DNAH14: variants seen among roughly 807,000 people sequenced by gnomAD.
The protein encoded by DNAH14 is dynein axonemal heavy chain 14, also known as axonemal beta dynein heavy chain 14.
In DNAH14, 478 loss-of-function variants were observed where a neutral mutation model predicts 520.9. The observed-to-expected ratio is 0.92, with a 90% CI of 0.85 to 0.99. The LOEUF is 0.99. Among genes scored for constraint, DNAH14 ranks in the 50% least tolerant of loss-of-function variants. The pLI is 0.00. For missense variants in DNAH14, 4,831 were observed against 5,234.5 expected, an observed-to-expected ratio of 0.92 and a Z score of 2.38; for synonymous variants, 1,581 against 1,757.2, an observed-to-expected ratio of 0.90 and a Z score of 2.51.
In DNAH14 at chr1:224,984,762, A is replaced by G. The variant is rs528108124; in HGVS notation, c.830+10609A>G. On this transcript the variant is annotated intron_variant, in intron 8 of 85. Coordinates refer to ENST00000682510, the MANE Select transcript of DNAH14 (RefSeq NM_001367479.1). Reference sequence around the variant, plus strand: ...TATCCAGAATCTACAATGAATTCCAACAAATCAGTAAGAGAAAAAACAATC... The same window carrying G: ...TATCCAGAATCTACAATGAATTCCAGCAAATCAGTAAGAGAAAAAACAATC... 2.0e-5 allele frequency among the ~76,000 whole-genome samples: 3 copies of G among 152,320 alleles called. No homozygotes were observed. In the South Asian group the frequency reaches 6.2e-4, roughly 32 times the overall value.
chr1:225,208,425 A>C (rs1391802992), intron 41 of DNAH14, among the ~76,000 whole-genome samples: 1 of 152,222 alleles, frequency 6.6e-6, no homozygotes, highest in Non-Finnish European at 1.5e-5. Flanking sequence ...ACAGTCAAGG[A>C]ACTCTCAGAA....
At chr1:225,108,787 C>T (rs1453502715) in intron 23 of DNAH14, among the ~76,000 whole-genome samples, 2 of 152,076 alleles carry the variant, frequency 1.3e-5, no homozygotes, top group Non-Finnish European at 2.9e-5. Context: ...GAAATCTTTG[C>T]CCAGTCTAAT....
At chr1:225,211,873 AATTTATTTATTTATTT>A (rs201563428) in intron 41 of DNAH14, among the ~76,000 whole-genome samples, 39 of 147,260 alleles carry the variant, frequency 2.6e-4, no homozygotes, top group Admixed American at 1.7e-3. Context: ...TTCAACCCAG[AATTTATTTATTTATTT>A]ATTTATTTAT....
intron 41 of DNAH14, among the ~76,000 whole-genome samples, chr1:225,216,282 C>T (rs560958579): frequency 6.6e-6 from 1 of 152,316 alleles, no homozygotes; most frequent in East Asian, 1.9e-4. Flanking sequence ...GTCTGATGGG[C>T]TTCCCTTTGT....
intron 17 of DNAH14, among the ~76,000 whole-genome samples, chr1:225,059,578 G>T (rs1334029744): frequency 6.6e-6 from 1 of 152,226 alleles, no homozygotes; most frequent in Non-Finnish European, 1.5e-5. Flanking sequence ...TATGATGTTA[G>T]CTGGTTATTT....
Position 225,289,953 on chromosome 1 carries a change from A to G in DNAH14, c.8340A>G (p.Leu2780=). The part of the protein sequence containing the change: ...TLACYLTDNK[L]YRVPISHKCA... ...CCTGTTATTTGACAGATAATAAACT[A>G]TACCGAGTGCCTATATCTCACAAAT... The change falls in exon 55 of 86, where the codon CTA becomes CTG. Residue 2780 remains leucine (L), a synonymous_variant. Coordinates refer to ENST00000682510, the MANE Select transcript of DNAH14 (RefSeq NM_001367479.1). 1 of 1,539,020 alleles carries G rather than the reference A, an allele frequency of 6.5e-7. No individual in the cohort carries two copies. The highest frequency in any genetic ancestry group is 8.8e-7 in the Non-Finnish European group (1 of 1,140,560).
At chr1:225,230,509 A>G (rs892251319) in intron 41 of DNAH14, among the ~76,000 whole-genome samples, 1 of 152,140 alleles carries the variant, frequency 6.6e-6, no homozygotes, top group African/African-American at 2.4e-5. Flanking sequence ...GAAAACAAAT[A>G]TAAAAATAAG....
chr1:225,393,385 T>C (rs1462410584), intron 84 of DNAH14, among the ~76,000 whole-genome samples: 1 of 152,214 alleles, frequency 6.6e-6, no homozygotes, highest in African/African-American at 2.4e-5. Flanking sequence ...GGATAGCCTA[T>C]TGCTGCCAGG....
At chr1:225,113,080 G>T (rs955703404) in intron 23 of DNAH14, among the ~76,000 whole-genome samples, 2 of 152,102 alleles carry the variant, frequency 1.3e-5, no homozygotes, top group African/African-American at 4.8e-5. Context: ...ATTTATTGTA[G>T]TTTTGCAGTC....
At chr1:225,344,864 A>G (rs775417056) in intron 69 of DNAH14, among the ~76,000 whole-genome samples, 120 of 152,152 alleles carry the variant, frequency 7.9e-4, no homozygotes, top group Non-Finnish European at 5.4e-4. Context: ...ACAGGTGTGC[A>G]CCATCACACC....
At chr1:225,321,658 A>G (rs1246681979) in intron 61 of DNAH14, among the ~76,000 whole-genome samples, 1 of 152,132 alleles carries the variant, frequency 6.6e-6, no homozygotes, top group Non-Finnish European at 1.5e-5. Context: ...TCTCTTTGAA[A>G]CTTGCTTCTT....
intron 10 of DNAH14, among the ~76,000 whole-genome samples, chr1:225,008,650 C>T (rs2064412611): frequency 7.6e-6 from 1 of 131,928 alleles, no homozygotes; most frequent in Non-Finnish European, 1.5e-5. Flanking sequence ...TTGTCTTGAT[C>T]TCCTGACCTC....
At chr1:225,227,090 C>T (rs894756939) in intron 41 of DNAH14, among the ~76,000 whole-genome samples, 1 of 151,746 alleles carries the variant, frequency 6.6e-6, no homozygotes, top group Non-Finnish European at 1.5e-5. Context: ...CAGGGATGAG[C>T]AGGAGACAGA....
intron 10 of DNAH14, among the ~76,000 whole-genome samples, chr1:225,020,374 G>T (rs961439500): frequency 2.6e-5 from 4 of 151,594 alleles, no homozygotes; most frequent in African/African-American, 9.7e-5. Flanking sequence ...GCATGTGTCT[G>T]TAGTTTCAGC....
At chr1:225,035,649 T>C (rs1048051503) in intron 11 of DNAH14, among the ~76,000 whole-genome samples, 1 of 152,122 alleles carries the variant, frequency 6.6e-6, no homozygotes, top group Non-Finnish European at 1.5e-5. Flanking sequence ...GTGATTGATT[T>C]GTAGGGTTTT....
At chr1:225,135,812 A>C (rs553468837) in intron 27 of DNAH14, among the ~76,000 whole-genome samples, 1 of 152,084 alleles carries the variant, frequency 6.6e-6, no homozygotes, top group Non-Finnish European at 1.5e-5. Flanking sequence ...GTAGGTCTCT[A>C]AGAACTTGCT....
At chr1:224,936,393 C>T (rs932601233) in intron 1 of DNAH14, among the ~76,000 whole-genome samples, 1 of 151,310 alleles carries the variant, frequency 6.6e-6, no homozygotes, top group African/African-American at 2.4e-5. Context: ...GACACTACAA[C>T]TGATACCAAA....
chr1:225,262,460 A>T (rs1335567299), intron 46 of DNAH14, among the ~76,000 whole-genome samples: 1 of 151,918 alleles, frequency 6.6e-6, no homozygotes, highest in African/African-American at 2.4e-5. Context: ...TTTTTCTAGA[A>T]TTCTTATGGT....
At chr1:225,065,459 A>C (rs2070754777) in intron 17 of DNAH14, among the ~76,000 whole-genome samples, 1 of 151,206 alleles carries the variant, frequency 6.6e-6, no homozygotes, top group African/African-American at 2.4e-5. Context: ...AACCAACAAC[A>C]ACACACAAAT....
Sources: gnomAD v4.1 joint callset for allele counts (sites outside exome capture counted in the v4.1 genomes callset) on GRCh38, gnomAD v4.1.1 for gene constraint, MANE v1.5 for transcripts, NCBI Gene and HGNC (gene_info 2026-07-23, HGNC 2026-07-21) for gene names.